Variants in NWD2 observed in about 807,000 individuals in gnomAD.
NWD2 encodes the protein NACHT and WD repeat domain-containing protein 2.
Under a neutral mutation model 132.7 loss-of-function variants are expected in NWD2, and 37 were observed. That is an observed-to-expected ratio of 0.28 (90% CI 0.21 to 0.37). NWD2 has a LOEUF of 0.37. Among genes scored for constraint, NWD2 ranks in the 10% least tolerant of loss-of-function variants. The probability of loss-of-function intolerance (pLI) is 1.00; values close to 1 mark genes in which losing one functional copy is unlikely to be tolerated. For synonymous variants in NWD2, 705 were observed against 803.0 expected (o/e 0.88, Z 2.06); for missense variants, 1,592 against 2,122.4 (o/e 0.75, Z 4.91).
At position 37,395,584 on chromosome 4, in the gene NWD2, C is replaced by CAAAAAAAAAAA. The variant is rs1156884728; in HGVS notation, c.358-34973_358-34963dup. Among the ~76,000 whole-genome samples, 182 of 18,280 alleles carry CAAAAAAAAAAA rather than the reference C, an allele frequency of 1.0e-2. 37 individuals are homozygous for CAAAAAAAAAAA. Among genetic ancestry groups the CAAAAAAAAAAA allele is most frequent in the Middle Eastern group, 0.056 (1 of 18 alleles). The allele number at this position is 18,280 out of a possible 152,430, so 12.0% of individuals were successfully genotyped here. A position where few individuals can be genotyped will look rare whatever the true frequency, so the allele number is the denominator to read the frequency against. ...GGGCAACAAGAGCGAAACTCTGTCT[C>CAAAAAAAAAAA]AAAAAAAAAAAAAAAAAAAAAAAAA... On this transcript the variant is annotated intron_variant, in intron 3 of 6. Transcript: ENST00000309447.
intron 3 of NWD2, among the ~76,000 whole-genome samples, chr4:37,405,744 T>G (rs1720990729): frequency 1.3e-5 from 2 of 152,208 alleles, no homozygotes; most frequent in African/African-American, 2.4e-5. Flanking sequence ...GGACGCATTT[T>G]TATAATTTCA....
intron 3 of NWD2, among the ~76,000 whole-genome samples, chr4:37,402,516 AT>A (rs1422944935): frequency 6.6e-6 from 1 of 152,246 alleles, no homozygotes; most frequent in Non-Finnish European, 1.5e-5. Context: ...GAAGAAGACA[AT>A]GTGGATTCAT....
intron 3 of NWD2, among the ~76,000 whole-genome samples, chr4:37,428,766 A>G (rs370712856): frequency 1.3e-5 from 2 of 152,172 alleles, no homozygotes; most frequent in African/African-American, 2.4e-5. Flanking sequence ...GAGTCTCACT[A>G]TGTTGCCCAG....
At chr4:37,308,635 A>G (rs1243572103) in intron 1 of NWD2, among the ~76,000 whole-genome samples, 6 of 152,178 alleles carry the variant, frequency 3.9e-5, no homozygotes. Flanking sequence ...GTCCCTGGGC[A>G]GCAGGGTAGT....
In NWD2 at chr4:37,430,625, C is replaced by T. The variant is rs1261185164; in HGVS notation, c.411C>T (p.Ala137=). Residue 137 remains alanine (A), a synonymous_variant, in exon 4 of 7, where the codon GCC becomes GCT. Transcript: ENST00000309447. ...GNIRIPGEVE[A]SEFEMILDAA... ...TCCGAATCCCTGGAGAAGTTGAAGC[C>T]TCAGAGTTTGAAATGATTTTGGATG... The T allele has an allele frequency of 1.3e-6, 2 of 1,551,498 alleles. No homozygotes were observed. Among genetic ancestry groups the T allele is most frequent in the South Asian group, 2.4e-5 (2 of 84,050 alleles).
At chr4:37,318,020 C>CTTTTTTT (rs71185128) in intron 1 of NWD2, among the ~76,000 whole-genome samples, 1 of 113,362 alleles carries the variant, frequency 8.8e-6, no homozygotes, top group African/African-American at 4.1e-5. Context: ...TTTTTTCTTT[C>CTTTTTTT]TTTTTTTTTT....
At position 37,330,421 on chromosome 4, in the gene NWD2, G is replaced by A. The variant is rs140945350; in HGVS notation, c.240+4397G>A. On this transcript the variant is annotated intron_variant, in intron 2 of 6. Coordinates refer to ENST00000309447, the MANE Select transcript of NWD2 (RefSeq NM_001144990.2). ...AGAAGGGGATAGAAAATAAGAACAA[G>A]GAGAATCAATTGGAAAAAAGTAAAG... 3.1e-3 allele frequency among the ~76,000 whole-genome samples: 469 copies of A among 152,236 alleles called. 2 individuals are homozygous for A. Among genetic ancestry groups the A allele is most frequent in the African/African-American group, 0.011 (446 of 41,532 alleles).
chr4:37,403,725 TGGG>T (rs1260117587), intron 3 of NWD2, among the ~76,000 whole-genome samples: 1 of 152,308 alleles, frequency 6.6e-6, no homozygotes, highest in East Asian at 1.9e-4. Context: ...ACTGCAAACA[TGGG>T]GTTCACATTT....
chr4:37,405,926 C>G (rs574875815), intron 3 of NWD2, among the ~76,000 whole-genome samples: 4 of 152,260 alleles, frequency 2.6e-5, no homozygotes, highest in South Asian at 2.1e-4. Context: ...CCCAGGTAGA[C>G]AGCAATTGAT....
chr4:37,434,374 G>C (rs1289538380), intron 5 of NWD2, among the ~76,000 whole-genome samples: 3 of 152,122 alleles, frequency 2.0e-5, no homozygotes, highest in Non-Finnish European at 4.4e-5. Flanking sequence ...CCAAGCACTG[G>C]GGAGACAACA....
chr4:37,290,255 C>T (rs1481575098), intron 1 of NWD2, among the ~76,000 whole-genome samples: 1 of 152,162 alleles, frequency 6.6e-6, no homozygotes, highest in African/African-American at 2.4e-5. Flanking sequence ...CATGCAGAAG[C>T]ACCAGTAAGG....
chr4:37,268,943 A>G (rs1717814524), intron 1 of NWD2, among the ~76,000 whole-genome samples: 1 of 151,888 alleles, frequency 6.6e-6, no homozygotes, highest in African/African-American at 2.4e-5. Context: ...ACACATGGAA[A>G]TAAATTCCCA....
Position 37,439,311 on chromosome 4 carries a change from C to A in NWD2, c.1217C>A (p.Ala406Asp), listed in dbSNP as rs1439264365. 2 of 1,549,450 alleles carry A rather than the reference C, an allele frequency of 1.3e-6. No homozygotes were observed. The highest frequency in any genetic ancestry group is 2.0e-5 in the Admixed American group (1 of 50,626). The change falls in exon 6 of 7, where the codon GCT becomes GAT. Residue 406 changes from alanine (A) to aspartate (D), a missense_variant. Transcript: ENST00000309447. The surrounding 1 kb of genome is among the most constrained non-coding windows in gnomAD (Gnocchi z 4.5). Reference sequence around the variant, plus strand: ...CATAACTACATTCTTCCAAGCAAAGCTGGACACATCAACCCTCTTATTATA... The same window carrying A: ...CATAACTACATTCTTCCAAGCAAAGATGGACACATCAACCCTCTTATTATA... ...IVHNYILPSK[A>D]GHINPLIIYG...
At chr4:37,381,047 A>T (rs188003632) in intron 3 of NWD2, among the ~76,000 whole-genome samples, 6 of 152,302 alleles carry the variant, frequency 3.9e-5, no homozygotes, top group African/African-American at 1.4e-4. Flanking sequence ...CCTAATGTCG[A>T]GCAAAATAAT....
intron 3 of NWD2, among the ~76,000 whole-genome samples, chr4:37,356,902 A>C (rs2109300917): frequency 6.6e-6 from 1 of 152,342 alleles, no homozygotes; most frequent in Admixed American, 6.5e-5. Flanking sequence ...ACATTGTTAA[A>C]GTAAATCAAA....
rs574173680 is a variant in NWD2 at position 37,387,080 on chromosome 4, G to A, written c.357+30598G>A. Among the ~76,000 whole-genome samples, 79 of 152,080 alleles carry A rather than the reference G, an allele frequency of 5.2e-4. 1 individual carries two copies. The Middle Eastern group carries it at 0.01, about 20-fold the overall frequency. On this transcript the variant is annotated intron_variant, in intron 3 of 6. Transcript: ENST00000309447. Reference sequence around the variant, plus strand: ...ACCAACAAACCTAACCAATCAGTTCGGTAAATGAATCACTGTTAACTACAT... The same window carrying A: ...ACCAACAAACCTAACCAATCAGTTCAGTAAATGAATCACTGTTAACTACAT...
intron 3 of NWD2, among the ~76,000 whole-genome samples, chr4:37,422,142 C>T (rs1344066643): frequency 1.3e-5 from 2 of 152,178 alleles, no homozygotes; most frequent in African/African-American, 4.8e-5. Context: ...CAAGTTAGTC[C>T]ATAGCAATAC....
chr4:37,448,824 C>T lies in NWD2; in HGVS notation c.*1607C>T, dbSNP rs1312798148. 3 of 152,200 alleles carry T rather than the reference C, an allele frequency of 2.0e-5. No individual in the cohort carries two copies. Among genetic ancestry groups the T allele is most frequent in the Non-Finnish European group, 2.9e-5 (2 of 68,018 alleles). 9.4% of individuals were successfully genotyped at this position (152,200 alleles called of 1,614,324 possible). ...ACATTGGGAAGCAGTATAAGAAAAA[C>T]TTCAGCAACATCATGATTATTGATG... is the stretch of plus-strand genomic sequence containing the variant. On this transcript the variant is annotated 3_prime_UTR_variant, in exon 7 of 7. Coordinates refer to ENST00000309447, the MANE Select transcript of NWD2 (RefSeq NM_001144990.2).
Position 37,296,977 on chromosome 4 carries a change from A to G in NWD2, c.152-28959A>G, listed in dbSNP as rs1426626711. On this transcript the variant is annotated intron_variant, in intron 1 of 6. Transcript: ENST00000309447. The stretch of plus-strand genomic sequence containing the variant: ...TAGAACTTAAGTTCTGCAAATAATG[A>G]AAATCAACTATAATTTGGGATTCAC... Among the ~76,000 whole-genome samples, 3 of 152,310 alleles carry G rather than the reference A, an allele frequency of 2.0e-5. No individual in the cohort carries two copies. The East Asian group carries it at 5.8e-4, about 29-fold the overall frequency.
Sources: allele counts gnomAD v4.1 joint callset (sites outside exome capture counted in the v4.1 genomes callset), GRCh38; gene constraint gnomAD v4.1.1; non-coding constraint Gnocchi (gnomAD v3.1); transcripts MANE v1.5; gene names NCBI Gene and HGNC (gene_info 2026-07-23, HGNC 2026-07-21).